The following CD226 variants were observed in gnomAD, a reference collection of about 807,000 sequenced individuals.
CD226 encodes the protein CD226 molecule, also known as CD226 antigen.
CD226 carries 24 observed loss-of-function variants against 34.9 expected under a neutral mutation model. The observed-to-expected ratio is 0.69, with a 90% CI of 0.50 to 0.97. The LOEUF (loss-of-function observed/expected upper bound fraction) is 0.97, where lower values mean the gene tolerates loss of function less well. Ranked by LOEUF, CD226 falls within the 50% of genes least tolerant of loss-of-function variation. CD226 has a pLI of 0.00. For synonymous variants in CD226, 148 were observed against 147.4 expected, an observed-to-expected ratio of 1.00 and a Z score of -0.03; for missense variants, 397 against 412.7, an observed-to-expected ratio of 0.96 and a Z score of 0.33.
intron 2 of CD226, among the ~76,000 whole-genome samples, chr18:69,931,670 A>G (rs1205244240): frequency 6.6e-6 from 1 of 152,212 alleles, no homozygotes; most frequent in Non-Finnish European, 1.5e-5. Context: ...GGCAGTTGTA[A>G]TAGTTTTTTA....
chr18:69,885,900 A>C (rs1299672354), intron 3 of CD226, among the ~76,000 whole-genome samples: 1 of 152,136 alleles, frequency 6.6e-6, no homozygotes, highest in African/African-American at 2.4e-5. Flanking sequence ...GAGCTGAAAT[A>C]AAGTAGCGGG....
intron 4 of CD226, among the ~76,000 whole-genome samples, chr18:69,872,176 T>C (rs918056898): frequency 2.6e-5 from 4 of 152,102 alleles, no homozygotes; most frequent in Admixed American, 6.6e-5. Context: ...ATCTATGATA[T>C]GCCAGACATG....
At chr18:69,956,313 C>A (rs971979366) in intron 1 of CD226, among the ~76,000 whole-genome samples, 1 of 152,206 alleles carries the variant, frequency 6.6e-6, no homozygotes, top group Non-Finnish European at 1.5e-5. Context: ...AACTATCTGG[C>A]CCTTTACAGA....
chr18:69,883,025 G>A (rs1794133841), intron 3 of CD226, among the ~76,000 whole-genome samples: 1 of 152,074 alleles, frequency 6.6e-6, no homozygotes, highest in African/African-American at 2.4e-5. Flanking sequence ...GACTGTTTCT[G>A]TTTAGCTTTA....
chr18:69,891,877 G>A (rs1984924975), intron 3 of CD226, among the ~76,000 whole-genome samples: 1 of 152,130 alleles, frequency 6.6e-6, no homozygotes, highest in Admixed American at 6.5e-5. Context: ...TGGTAGCTTT[G>A]CTTGACAATT....
At chr18:69,940,006 G>A (rs965167740) in intron 2 of CD226, among the ~76,000 whole-genome samples, 28 of 152,204 alleles carry the variant, frequency 1.8e-4, no homozygotes, top group African/African-American at 6.3e-4. Flanking sequence ...CTCACGTGTC[G>A]TGGGAGAGAC....
At chr18:69,882,624 C>A (rs1318102090) in intron 3 of CD226, among the ~76,000 whole-genome samples, 1 of 152,114 alleles carries the variant, frequency 6.6e-6, no homozygotes, top group Non-Finnish European at 1.5e-5. Context: ...GCACATTTAC[C>A]TCAATTTTTA....
chr18:69,868,865 A>G (rs1323858864), intron 4 of CD226, among the ~76,000 whole-genome samples: 2 of 152,174 alleles, frequency 1.3e-5, no homozygotes, highest in Non-Finnish European at 2.9e-5. Context: ...GGAGCATACA[A>G]TGTGATGAAA....
At chr18:69,880,430 T>A (rs912086627) in intron 3 of CD226, among the ~76,000 whole-genome samples, 1 of 150,536 alleles carries the variant, frequency 6.6e-6, no homozygotes, top group Admixed American at 6.6e-5. Context: ...GAAGAAAGAG[T>A]TGGCAAGGGT....
At position 69,856,086 on chromosome 18, in the gene CD226, A is replaced by G. The variant is rs1486641799; in HGVS notation, c.*8228T>C. The G allele has an allele frequency of 6.6e-6, 1 of 152,184 alleles. No homozygotes were observed. Among genetic ancestry groups the G allele is most frequent in the Non-Finnish European group, 1.5e-5 (1 of 68,006 alleles). 9.4% of individuals were successfully genotyped at this position (152,184 alleles called of 1,614,324 possible). Reference sequence around the variant, plus strand: ...AAAGGCACATTAAATATAAATATTTAGATAATTTAAAATTAAAAGGATAAA... The same window carrying G: ...AAAGGCACATTAAATATAAATATTTGGATAATTTAAAATTAAAAGGATAAA... On this transcript the variant is annotated 3_prime_UTR_variant, in exon 6 of 6. Coordinates refer to ENST00000582621, the MANE Select transcript of CD226 (RefSeq NM_001303618.2).
intron 2 of CD226, among the ~76,000 whole-genome samples, chr18:69,911,878 T>C (rs1488929860): frequency 6.6e-6 from 1 of 152,222 alleles, no homozygotes; most frequent in Non-Finnish European, 1.5e-5. Flanking sequence ...CTAATAAGCA[T>C]ACTGAACTAA....
Position 69,855,625 on chromosome 18 carries a change from T to C in CD226, c.*8689A>G, listed in dbSNP as rs560390113. ...CTCAGATAACACTAAATAGAATAAA[T>C]ACCAAAAAAAAGAGGGGAAAAGGAG... On this transcript the variant is annotated 3_prime_UTR_variant, in exon 6 of 6. Coordinates refer to ENST00000582621, the MANE Select transcript of CD226 (RefSeq NM_001303618.2). 3.3e-5 allele frequency: 5 copies of C among 150,346 alleles called. No individual in the cohort carries two copies. In the South Asian group the frequency reaches 1.0e-3, roughly 32 times the overall value. 9.3% of individuals were successfully genotyped at this position (150,346 alleles called of 1,614,324 possible).
At chr18:69,929,167 C>A (rs764541560) in intron 2 of CD226, among the ~76,000 whole-genome samples, 23 of 152,306 alleles carry the variant, frequency 1.5e-4, no homozygotes, top group Admixed American at 6.5e-4. Flanking sequence ...TGCTGCCAAG[C>A]AGAAAACTTA....
intron 2 of CD226, among the ~76,000 whole-genome samples, chr18:69,928,599 T>A (rs1179123719): frequency 4.6e-5 from 7 of 152,198 alleles, no homozygotes; most frequent in Non-Finnish European, 2.9e-5. Context: ...CCAAAATACT[T>A]GGGAACATAA....
upstream of CD226, among the ~76,000 whole-genome samples, chr18:69,961,230 A>G (rs1209223791): frequency 2.0e-5 from 3 of 152,362 alleles, no homozygotes; most frequent in Admixed American, 2.0e-4. Context: ...GATTTAAACA[A>G]AGAAATTTGC....
chr18:69,860,700 A>C lies in CD226; in HGVS notation c.*3614T>G, dbSNP rs1354416047. 3 of 152,166 alleles carry C rather than the reference A, an allele frequency of 2.0e-5. No homozygotes were observed. Among genetic ancestry groups the C allele is most frequent in the African/African-American group, 7.2e-5 (3 of 41,462 alleles). The allele number at this position is 152,166 out of a possible 1,614,324, so 9.4% of individuals were successfully genotyped here. A position where few individuals can be genotyped will look rare whatever the true frequency, so the allele number is the denominator to read the frequency against. On this transcript the variant is annotated 3_prime_UTR_variant, in exon 6 of 6. Coordinates refer to ENST00000582621, the MANE Select transcript of CD226 (RefSeq NM_001303618.2). The stretch of plus-strand genomic sequence containing the variant: ...AACAGATCAGTGAAAAAATATACTT[A>C]TACAGAAGTCTGAAGGTGGAGATCA...
chr18:69,950,199 C>G (rs549317280), upstream of CD226, among the ~76,000 whole-genome samples: 2 of 152,138 alleles, frequency 1.3e-5, no homozygotes, highest in African/African-American at 4.8e-5. Flanking sequence ...CTCACATGCA[C>G]GCACACATGC....
intron 4 of CD226, 50 bp downstream of exon 4, chr18:69,873,094 G>A (rs1465314203): frequency 1.0e-6 from 1 of 1,003,304 alleles, no homozygotes; most frequent in Non-Finnish European, 1.6e-6. Context: ...GTTATTAATA[G>A]AGAACCTCTA....
At chr18:69,942,323 A>C (rs79907842) in intron 2 of CD226, among the ~76,000 whole-genome samples, 1 of 152,322 alleles carries the variant, frequency 6.6e-6, no homozygotes, top group East Asian at 1.9e-4. Flanking sequence ...TCCTGCTAGC[A>C]GTGTGTAAAG....
Sources: allele counts gnomAD v4.1 joint callset (sites outside exome capture counted in the v4.1 genomes callset), GRCh38; gene constraint gnomAD v4.1.1; transcripts MANE v1.5; gene names NCBI Gene and HGNC (gene_info 2026-07-23, HGNC 2026-07-21).